The following CRLF3 variants were observed in gnomAD, a reference collection of about 807,000 sequenced individuals.
CRLF3 encodes cytokine receptor-like factor 3.
CRLF3 carries 33 observed loss-of-function variants against 55.0 expected under a neutral mutation model. The observed-to-expected ratio is 0.60, with a 90% CI of 0.46 to 0.80. The LOEUF (loss-of-function observed/expected upper bound fraction) is 0.80, where lower values mean the gene tolerates loss of function less well. Among genes scored for constraint, CRLF3 ranks in the 30% least tolerant of loss-of-function variants. The pLI is 0.00. For synonymous variants in CRLF3, 238 were observed against 196.8 expected (o/e 1.21, Z -1.75); for missense variants, 494 against 538.4 (o/e 0.92, Z 0.82).
chr17:30,821,627 C>A (rs1235897232), intron 1 of CRLF3, among the ~76,000 whole-genome samples: 2 of 152,122 alleles, frequency 1.3e-5, no homozygotes, highest in African/African-American at 4.8e-5. Flanking sequence ...TTACATGCTA[C>A]CACATCAATG....
At chr17:30,807,008 G>A (rs1904425923) in intron 1 of CRLF3, among the ~76,000 whole-genome samples, 1 of 152,060 alleles carries the variant, frequency 6.6e-6, no homozygotes, top group East Asian at 1.9e-4. Flanking sequence ...AGCACTTTGG[G>A]AGGCCAAGGT....
intron 1 of CRLF3, among the ~76,000 whole-genome samples, chr17:30,811,803 CAAAAAAAAAAAA>C (rs915710879): frequency 3.6e-4 from 10 of 27,752 alleles, no homozygotes; most frequent in Admixed American, 1.1e-3. Flanking sequence ...GACTCTGTCT[CAAAAAAAAAAAA>C]AAAAAAAAAA....
chr17:30,797,496 A>G (rs577429481), intron 2 of CRLF3, 98 bp from the exon 3 acceptor site: 6 of 941,478 alleles, frequency 6.4e-6, no homozygotes, highest in South Asian at 1.4e-5. Flanking sequence ...GTTCTTGCAA[A>G]TAAGTTCTTA....
chr17:30,793,846 C>CTT (rs1047692930), intron 4 of CRLF3, among the ~76,000 whole-genome samples, 174 bp from the exon 5 acceptor site: 2 of 148,198 alleles, frequency 1.3e-5, no homozygotes, highest in South Asian at 4.3e-4. Flanking sequence ...TATCTCCCTT[C>CTT]TTTTTTTTTT....
At chr17:30,788,135 T>C (rs1971692606) in intron 6 of CRLF3, among the ~76,000 whole-genome samples, 1 of 151,972 alleles carries the variant, frequency 6.6e-6, no homozygotes, top group South Asian at 2.1e-4. Flanking sequence ...GAGACCATCC[T>C]GGCTAACACG....
At chr17:30,814,126 G>A (rs952282257) in intron 1 of CRLF3, among the ~76,000 whole-genome samples, 4 of 152,010 alleles carry the variant, frequency 2.6e-5, no homozygotes, top group African/African-American at 4.8e-5. Flanking sequence ...CCTTGGTGGC[G>A]CATGCCTGTA....
At position 30,797,336 on chromosome 17, in the gene CRLF3, T is replaced by C. The variant is rs1390989672; in HGVS notation, c.400A>G (p.Lys134Glu). Residue 134 changes from lysine (K) to glutamate (E), a missense_variant, in exon 3 of 8, where the codon AAG (lysine) becomes GAG (glutamate). Transcript: ENST00000324238. ...CTGTCCAACTGAATGTGCGAGGCCT[T>C]TTTGGTAAAGCTCCACAGTTTCTCA... Reference protein sequence around the residue: ...ENEKLWSFTKKASHIQLDSLP... With the variant: ...ENEKLWSFTKEASHIQLDSLP... 1 of 1,613,948 alleles carries C rather than the reference T, an allele frequency of 6.2e-7. No individual in the cohort carries two copies. Among genetic ancestry groups the C allele is most frequent in the South Asian group, 1.1e-5 (1 of 91,074 alleles).
intron 2 of CRLF3, among the ~76,000 whole-genome samples, chr17:30,803,379 G>A (rs777390712): frequency 2.0e-5 from 3 of 151,930 alleles, no homozygotes; most frequent in Non-Finnish European, 2.9e-5. Flanking sequence ...GATACCTAAC[G>A]GTATATCTGT....
intron 1 of CRLF3, among the ~76,000 whole-genome samples, chr17:30,820,723 C>G (rs1041295991): frequency 1.4e-5 from 2 of 147,450 alleles, no homozygotes; most frequent in Non-Finnish European, 3.0e-5. Flanking sequence ...ACCCAAGAGG[C>G]GGAGGTTGCA....
chr17:30,820,876 A>G (rs1340345864), intron 1 of CRLF3, among the ~76,000 whole-genome samples: 1 of 150,762 alleles, frequency 6.6e-6, no homozygotes, highest in Non-Finnish European at 1.5e-5. Flanking sequence ...ACAGGAAGAC[A>G]TCATCTCTAC....
intron 7 of CRLF3, 106 bp from the exon 8 acceptor site, chr17:30,784,549 A>T (rs1192180195): frequency 5.8e-6 from 6 of 1,032,434 alleles, no homozygotes; most frequent in East Asian, 4.9e-5. Context: ...TTCAGATTTT[A>T]AAAAATCTGG....
rs1300580840 is a variant in CRLF3, at chr17:30,783,224, A to T, written c.*963T>A. On this transcript the variant is annotated 3_prime_UTR_variant, in exon 8 of 8. Transcript: ENST00000324238. ...GCATACTACTGCCATAACTAGTTTT[A>T]CCCTGTAAAAATACTGTAGCCTATA... The T allele has an allele frequency of 6.6e-6, 1 of 152,222 alleles. No homozygotes were observed. The highest frequency in any genetic ancestry group is 1.5e-5 in the Non-Finnish European group (1 of 68,046). The allele number at this position is 152,222 out of a possible 1,614,324, so 9.4% of individuals were successfully genotyped here. A position where few individuals can be genotyped will look rare whatever the true frequency, so the allele number is the denominator to read the frequency against.
chr17:30,784,040 TAAAATATTACAA>T lies in CRLF3; in HGVS notation c.*135_*146del. The T allele has an allele frequency of 1.4e-6, 1 of 704,552 alleles. No individual in the cohort carries two copies. Among genetic ancestry groups the T allele is most frequent in the Non-Finnish European group, 2.3e-6 (1 of 428,718 alleles). The allele number at this position is 704,552 out of a possible 1,614,324, so 43.6% of individuals were successfully genotyped here. Reference sequence around the variant, plus strand: ...CCACAACATTGAAGTCTCTTTTTGCTAAAATATTACAAAATGAATCCAGTAAACACTTTCCAA... The same window carrying T: ...CCACAACATTGAAGTCTCTTTTTGCTAATGAATCCAGTAAACACTTTCCAA... On this transcript the variant is annotated 3_prime_UTR_variant, in exon 8 of 8. Coordinates refer to ENST00000324238, the MANE Select transcript of CRLF3 (RefSeq NM_015986.4).
chr17:30,814,172 G>A (rs984088568), intron 1 of CRLF3, among the ~76,000 whole-genome samples: 3 of 152,148 alleles, frequency 2.0e-5, no homozygotes, highest in Non-Finnish European at 4.4e-5. Context: ...CAGAAGAATT[G>A]CTTGAATCCA....
chr17:30,790,004 T>C (rs1383898502), intron 6 of CRLF3, among the ~76,000 whole-genome samples: 6 of 151,932 alleles, frequency 3.9e-5, no homozygotes, highest in South Asian at 2.1e-4. Context: ...TTTTTTTTTT[T>C]CCTCTCTCTC....
At chr17:30,817,408 A>C (rs1330143485) in intron 1 of CRLF3, among the ~76,000 whole-genome samples, 2 of 151,912 alleles carry the variant, frequency 1.3e-5, no homozygotes, top group Non-Finnish European at 2.9e-5. Context: ...ACTGCACTCC[A>C]GTCTGGGTGA....
chr17:30,786,129 TG>T, intron 6 of CRLF3, 98 bp from the exon 7 acceptor site: 1 of 714,768 alleles, frequency 1.4e-6, no homozygotes, highest in Non-Finnish European at 2.5e-6. Flanking sequence ...TCACCACAAT[TG>T]TTTTTTTCTA....
chr17:30,793,207 ATT>A (rs1567661012), intron 5 of CRLF3, among the ~76,000 whole-genome samples: 16 of 151,906 alleles, frequency 1.1e-4, no homozygotes, highest in Admixed American at 8.5e-4. Flanking sequence ...CCTACATAAT[ATT>A]TTCAATCTTT....
At position 30,789,128 on chromosome 17, in the gene CRLF3, AT is replaced by A. The variant is rs571651385; in HGVS notation, c.960-3098del. On this transcript the variant is annotated intron_variant, in intron 6 of 7. Transcript: ENST00000324238. Reference sequence around the variant, plus strand: ...AACATTTCATTCCACAAAGAAAAAAATGACAAAAATGCAAAAGGCTGGCTAC... The same window carrying A: ...AACATTTCATTCCACAAAGAAAAAAAGACAAAAATGCAAAAGGCTGGCTAC... 3.3e-3 allele frequency among the ~76,000 whole-genome samples: 496 copies of A among 152,238 alleles called. 2 individuals carry two copies. Among genetic ancestry groups the A allele is most frequent in the African/African-American group, 0.012 (478 of 41,548 alleles).
Sources: allele counts gnomAD v4.1 joint callset (sites outside exome capture counted in the v4.1 genomes callset), GRCh38; gene constraint gnomAD v4.1.1; transcripts MANE v1.5; gene names NCBI Gene and HGNC (gene_info 2026-07-23, HGNC 2026-07-21).